Variants in ERBB4 observed in about 807,000 individuals in gnomAD.
ERBB4 encodes receptor tyrosine-protein kinase erbB-4.
In ERBB4, 42 loss-of-function variants were observed where a neutral mutation model predicts 158.0. The observed-to-expected ratio is 0.27, with a 90% CI of 0.21 to 0.34. The LOEUF is 0.34. Among genes scored for constraint, ERBB4 ranks in the 10% least tolerant of loss-of-function variants. ERBB4 has a pLI of 1.00. For missense variants in ERBB4, 1,333 were observed against 1,624.1 expected (o/e 0.82, Z 3.08); for synonymous variants, 583 against 558.7 (o/e 1.04, Z -0.61).
intron 1 of ERBB4, among the ~76,000 whole-genome samples, chr2:212,247,032 A>AAT (rs2084334734): frequency 6.6e-6 from 1 of 152,194 alleles, no homozygotes; most frequent in South Asian, 2.1e-4. Context: ...ATGTTGATTA[A>AAT]ATTGATAACC....
chr2:211,849,098 T>C (rs1559572016), intron 3 of ERBB4, among the ~76,000 whole-genome samples: 1 of 152,038 alleles, frequency 6.6e-6, no homozygotes, highest in African/African-American at 2.4e-5. Flanking sequence ...ATGTAACCAA[T>C]AAACCAATAA....
intron 1 of ERBB4, among the ~76,000 whole-genome samples, chr2:212,483,172 G>A (rs1409148461): frequency 6.6e-6 from 1 of 152,182 alleles, no homozygotes; most frequent in East Asian, 1.9e-4. Flanking sequence ...CGTACCATCT[G>A]CTGAGCTTCT....
intron 1 of ERBB4, among the ~76,000 whole-genome samples, chr2:212,139,969 T>A (rs1387417228): frequency 1.3e-5 from 2 of 151,898 alleles, no homozygotes; most frequent in Non-Finnish European, 2.9e-5. Flanking sequence ...CTGATATTAT[T>A]TGCCAGGATA....
chr2:211,472,355 C>T (rs1207693150), intron 20 of ERBB4, among the ~76,000 whole-genome samples: 1 of 149,558 alleles, frequency 6.7e-6, no homozygotes, highest in African/African-American at 2.4e-5. Flanking sequence ...TGATAAAAGT[C>T]AAATTAGTGA....
intron 3 of ERBB4, among the ~76,000 whole-genome samples, chr2:211,889,208 C>A (rs565735507): frequency 1.4e-5 from 2 of 144,442 alleles, no homozygotes; most frequent in East Asian, 1.9e-4. Flanking sequence ...ATCTGAGAAC[C>A]CGCAGACTGC....
chr2:211,501,121 G>GTT (rs1177337818), intron 20 of ERBB4, among the ~76,000 whole-genome samples: 24 of 151,562 alleles, frequency 1.6e-4, no homozygotes, highest in Admixed American at 1.5e-3. Context: ...ACTAAAAAAG[G>GTT]TAAAAGGGAA....
intron 2 of ERBB4, among the ~76,000 whole-genome samples, chr2:212,053,595 C>A (rs1193447817): frequency 6.6e-6 from 1 of 152,110 alleles, no homozygotes; most frequent in African/African-American, 2.4e-5. Context: ...AGTTTAACAC[C>A]CTTCAAATAT....
chr2:212,063,306 G>A (rs1230178589), intron 2 of ERBB4, among the ~76,000 whole-genome samples: 1 of 151,908 alleles, frequency 6.6e-6, no homozygotes, highest in African/African-American at 2.4e-5. Flanking sequence ...AGAATAAACA[G>A]GTCCTTGAAT....
intron 3 of ERBB4, among the ~76,000 whole-genome samples, chr2:211,872,419 G>A (rs1439252): frequency 0.3 from 45,991 of 151,980 alleles, 8,317 homozygotes; most frequent in East Asian, 0.5. Flanking sequence ...AAAGGCGGGG[G>A]TTCTTTTCAA....
intron 1 of ERBB4, among the ~76,000 whole-genome samples, chr2:212,416,696 C>T (rs2091662110): frequency 6.6e-6 from 1 of 151,998 alleles, no homozygotes; most frequent in Admixed American, 6.6e-5. Flanking sequence ...ACATTACTGA[C>T]ATATATATGT....
intron 19 of ERBB4, among the ~76,000 whole-genome samples, chr2:211,572,534 C>T (rs1163358497): frequency 1.3e-5 from 2 of 152,178 alleles, no homozygotes; most frequent in African/African-American, 2.4e-5. Flanking sequence ...TGGTACAATA[C>T]TGAATGAAGA....
intron 1 of ERBB4, among the ~76,000 whole-genome samples, chr2:212,160,640 G>A: frequency 6.6e-6 from 1 of 151,956 alleles, no homozygotes; most frequent in East Asian, 1.9e-4. Context: ...AGAAGAAGAG[G>A]GATGTGCATC....
intron 3 of ERBB4, among the ~76,000 whole-genome samples, chr2:211,805,434 A>G (rs2076592165): frequency 6.6e-6 from 1 of 152,264 alleles, no homozygotes; most frequent in Non-Finnish European, 1.5e-5. Context: ...AGTCAAAGAA[A>G]GAAAACACAA....
intron 1 of ERBB4, among the ~76,000 whole-genome samples, chr2:212,365,624 A>G (rs1353450376): frequency 6.6e-6 from 1 of 151,838 alleles, no homozygotes; most frequent in Non-Finnish European, 1.5e-5. Context: ...GTATAAAAAA[A>G]GAAGAAGTAT....
chr2:211,453,651 T>C (rs1040700428), intron 20 of ERBB4, among the ~76,000 whole-genome samples: 1 of 152,110 alleles, frequency 6.6e-6, no homozygotes, highest in Admixed American at 6.5e-5. Context: ...TCCATAGACA[T>C]GTGTTATAAA....
At chr2:211,673,142 C>T (rs2071908467) in intron 14 of ERBB4, 22 bp downstream of exon 14, 2 of 1,541,972 alleles carry the variant, frequency 1.3e-6, no homozygotes, top group African/African-American at 1.4e-5. Flanking sequence ...AGCCAACACA[C>T]CACAGATGTC....
chr2:212,203,785 C>A (rs1164089426), intron 1 of ERBB4, among the ~76,000 whole-genome samples: 7 of 152,298 alleles, frequency 4.6e-5, no homozygotes, highest in African/African-American at 1.7e-4. Flanking sequence ...TGTTTCCCAA[C>A]TTTACCTGTC....
At chr2:212,464,267 CA>C (rs1026620002) in intron 1 of ERBB4, among the ~76,000 whole-genome samples, 1 of 152,054 alleles carries the variant, frequency 6.6e-6, no homozygotes, top group South Asian at 2.1e-4. Context: ...AAGAACCTCA[CA>C]AAAAATATTG....
chr2:212,198,150 A>G (rs1191585895), intron 1 of ERBB4, among the ~76,000 whole-genome samples: 2 of 152,188 alleles, frequency 1.3e-5, no homozygotes, highest in Non-Finnish European at 2.9e-5. Context: ...TACTACTGAG[A>G]TTGTCTGAAA....
Sources: gnomAD v4.1 joint callset for allele counts (sites outside exome capture counted in the v4.1 genomes callset) on GRCh38, gnomAD v4.1.1 for gene constraint, MANE v1.5 for transcripts, NCBI Gene and HGNC (gene_info 2026-07-23, HGNC 2026-07-21) for gene names.